CEP128: variants seen among roughly 807,000 people sequenced by gnomAD.
The protein encoded by CEP128 is centrosomal protein 128, also known as centrosomal protein 128kDa.
CEP128 carries 132 observed loss-of-function variants against 156.7 expected under a neutral mutation model. That is an observed-to-expected ratio of 0.84 (90% CI 0.73 to 0.97). CEP128 has a LOEUF of 0.97. Ranked by LOEUF, CEP128 falls within the 50% of genes least tolerant of loss-of-function variation. The pLI is 0.00. For missense variants in CEP128, 1,252 were observed against 1,281.9 expected (o/e 0.98, Z 0.36); for synonymous variants, 469 against 448.9 (o/e 1.04, Z -0.57).
intron 19 of CEP128, among the ~76,000 whole-genome samples, chr14:80,624,579 G>T (rs1033632587): frequency 4.6e-5 from 7 of 151,944 alleles, no homozygotes; most frequent in African/African-American, 1.7e-4. Flanking sequence ...CCACATCCTT[G>T]CCAGCATTTG....
intron 12 of CEP128, among the ~76,000 whole-genome samples, chr14:80,832,716 A>G (rs995848849): frequency 1.3e-5 from 2 of 152,200 alleles, no homozygotes; most frequent in East Asian, 1.9e-4. Flanking sequence ...GGGAAAGCAC[A>G]TACCATAAAG....
At chr14:80,610,339 A>G (rs1171663937) in intron 19 of CEP128, among the ~76,000 whole-genome samples, 2 of 152,126 alleles carry the variant, frequency 1.3e-5, no homozygotes, top group African/African-American at 4.8e-5. Flanking sequence ...CACTAATTTA[A>G]CATTGTTTTA....
intron 19 of CEP128, among the ~76,000 whole-genome samples, chr14:80,625,256 T>C (rs1189518922): frequency 2.0e-5 from 3 of 152,190 alleles, no homozygotes; most frequent in Admixed American, 6.5e-5. Flanking sequence ...ATCAGTTAGT[T>C]GTAAATGTGT....
At chr14:80,912,842 T>C (rs555219501) in intron 4 of CEP128, among the ~76,000 whole-genome samples, 3 of 152,154 alleles carry the variant, frequency 2.0e-5, no homozygotes, top group Non-Finnish European at 4.4e-5. Context: ...CACAGATATG[T>C]ATAAAACAGT....
At chr14:80,647,058 T>TGC (rs751298715) in intron 19 of CEP128, among the ~76,000 whole-genome samples, 16,114 of 42,532 alleles carry the variant, frequency 0.38, 3,665 homozygotes, top group Admixed American at 0.46. Flanking sequence ...TATATATATA[T>TGC]ATATATATAT....
intron 8 of CEP128, 147 bp downstream of exon 8, chr14:80,895,571 T>C: frequency 2.1e-6 from 1 of 480,626 alleles, no homozygotes; most frequent in South Asian, 4.9e-5. Context: ...TCATGAACAT[T>C]TTATAAGAGC....
At chr14:80,512,265 C>T (rs569667338) in intron 23 of CEP128, among the ~76,000 whole-genome samples, 2 of 152,086 alleles carry the variant, frequency 1.3e-5, no homozygotes, top group South Asian at 2.1e-4. Context: ...GTGTTGGGTG[C>T]ATATATTTTT....
intron 2 of CEP128, among the ~76,000 whole-genome samples, chr14:80,923,047 A>G (rs1884961578): frequency 6.6e-6 from 1 of 152,244 alleles, no homozygotes; most frequent in Admixed American, 6.5e-5. Context: ...AGAGAAGACT[A>G]AGATGGGTGA....
intron 14 of CEP128, among the ~76,000 whole-genome samples, chr14:80,479,053 G>C (rs893501358): frequency 3.9e-5 from 6 of 152,132 alleles, no homozygotes; most frequent in African/African-American, 1.2e-4. Context: ...CACTTTTCAT[G>C]AGCCATTACA....
chr14:80,814,501 TA>T (rs35086244), intron 13 of CEP128, among the ~76,000 whole-genome samples: 1 of 151,080 alleles, frequency 6.6e-6, no homozygotes, highest in Non-Finnish European at 1.5e-5. Context: ...AAATTATTGG[TA>T]AAAAAAAGAA....
intron 19 of CEP128, among the ~76,000 whole-genome samples, chr14:80,702,377 T>C (rs1311973379): frequency 2.6e-5 from 4 of 152,180 alleles, no homozygotes; most frequent in South Asian, 2.1e-4. Flanking sequence ...CTTGACATTA[T>C]AGCTGCTCAA....
At chr14:80,907,667 A>T (rs1883966930) in intron 4 of CEP128, among the ~76,000 whole-genome samples, 1 of 151,660 alleles carries the variant, frequency 6.6e-6, no homozygotes. Context: ...CAAAAAAAAA[A>T]AAAAAAAAAA....
chr14:80,551,466 C>G lies in CEP128; in HGVS notation c.2880+7813G>C, dbSNP rs117878912. 2.1e-3 allele frequency among the ~76,000 whole-genome samples: 322 copies of G among 152,338 alleles called. 1 individual carries two copies. Among genetic ancestry groups the G allele is most frequent in the Middle Eastern group, 3.4e-3 (1 of 294 alleles). On this transcript the variant is annotated intron_variant, in intron 21 of 24. Coordinates refer to ENST00000555265, the MANE Select transcript of CEP128 (RefSeq NM_152446.5). The stretch of plus-strand genomic sequence containing the variant: ...AGCCAGTCCTTACTGTCAAACCAAT[C>G]AGACAAATCACACTTGCTTTATGGT...
chr14:80,520,874 G>A (rs1888711387), intron 23 of CEP128, among the ~76,000 whole-genome samples: 1 of 152,020 alleles, frequency 6.6e-6, no homozygotes, highest in Non-Finnish European at 1.5e-5. Context: ...CCAGGCTGGA[G>A]TGCAGTGGCA....
chr14:80,736,256 T>TAA lies in CEP128; in HGVS notation c.2806+6818_2806+6819insTT, dbSNP rs137895804. On this transcript the variant is annotated intron_variant, in intron 19 of 24. Transcript: ENST00000555265. ...TTTAAGGTAGCTCTAATATAAGGTT[T>TAA]TAAAAAAAAAAAAACACAGCAAATA... 6.0e-3 allele frequency among the ~76,000 whole-genome samples: 552 copies of TAA among 91,894 alleles called. 3 individuals carry two copies. Among genetic ancestry groups the TAA allele is most frequent in the Non-Finnish European group, 8.5e-3 (323 of 37,912 alleles). The allele number at this position is 91,894 out of a possible 152,430, so 60.3% of individuals were successfully genotyped here. A position where few individuals can be genotyped will look rare whatever the true frequency, so the allele number is the denominator to read the frequency against.
chr14:80,686,195 T>A (rs1034856483), intron 19 of CEP128, among the ~76,000 whole-genome samples: 1 of 152,032 alleles, frequency 6.6e-6, no homozygotes, highest in Non-Finnish European at 1.5e-5. Context: ...TTGCAAACTA[T>A]GCATCCGACA....
intron 19 of CEP128, among the ~76,000 whole-genome samples, chr14:80,615,913 C>T (rs952319881): frequency 2.6e-5 from 4 of 151,930 alleles, no homozygotes; most frequent in African/African-American, 9.7e-5. Flanking sequence ...AGCAGAAAGG[C>T]CCACCAGTGT....
chr14:80,752,726 A>G (rs954281457), intron 18 of CEP128, among the ~76,000 whole-genome samples: 1 of 152,244 alleles, frequency 6.6e-6, no homozygotes, highest in Non-Finnish European at 1.5e-5. Context: ...GATGGAACAG[A>G]GTTCCGAGAC....
intron 14 of CEP128, among the ~76,000 whole-genome samples, chr14:80,479,524 C>T (rs1470892823): frequency 6.6e-6 from 1 of 152,166 alleles, no homozygotes; most frequent in Non-Finnish European, 1.5e-5. Context: ...GACTTATTCA[C>T]TATCATGAGA....
Sources: gnomAD v4.1 joint callset for allele counts (sites outside exome capture counted in the v4.1 genomes callset) on GRCh38, gnomAD v4.1.1 for gene constraint, MANE v1.5 for transcripts, NCBI Gene and HGNC (gene_info 2026-07-23, HGNC 2026-07-21) for gene names.